TTC39A: variants seen among roughly 807,000 people sequenced by gnomAD.
The protein encoded by TTC39A is tetratricopeptide repeat protein 39A.
A neutral mutation model predicts 82.3 loss-of-function variants in TTC39A; 46 were observed. The observed-to-expected ratio is 0.56, with a 90% CI of 0.44 to 0.71. TTC39A has a LOEUF of 0.71. TTC39A is among the 30% of genes least tolerant of loss of function. The pLI is 0.00. For synonymous variants in TTC39A, 254 were observed against 275.2 expected, an observed-to-expected ratio of 0.92 and a Z score of 0.76; for missense variants, 543 against 712.9, an observed-to-expected ratio of 0.76 and a Z score of 2.71.
rs1644347315 is a variant in TTC39A, at chr1:51,294,642, G to A, written c.1146-131C>T. The A allele has an allele frequency of 2.2e-6, 3 of 1,367,170 alleles. No individual in the cohort carries two copies. The highest frequency in any genetic ancestry group is 2.7e-5 in the South Asian group (2 of 72,992). The allele number at this position is 1,367,170 out of a possible 1,614,324, so 84.7% of individuals were successfully genotyped here. On this transcript the variant is annotated intron_variant, in intron 13 of 17. Coordinates refer to ENST00000680483, the MANE Select transcript of TTC39A (RefSeq NM_001297663.2). The surrounding 1 kb of genome is among the most constrained non-coding windows in gnomAD (Gnocchi z 4.3). The stretch of plus-strand genomic sequence containing the variant: ...CCCCATCTGCACAATGACAGTGTTA[G>A]ACTCTAAAGAGCCTTCTAGGTCTGA...
chr1:51,289,274 A>G (rs1644110870), intron 16 of TTC39A, among the ~76,000 whole-genome samples: 1 of 152,156 alleles, frequency 6.6e-6, no homozygotes, highest in Non-Finnish European at 1.5e-5. Context: ...TCCTGGAGAT[A>G]TCCTTTTAAA....
chr1:51,295,987 T>G, intron 13 of TTC39A, 92 bp downstream of exon 13: 3 of 1,416,564 alleles, frequency 2.1e-6, no homozygotes, highest in Non-Finnish European at 2.9e-6. Context: ...CCCTCCCCAG[T>G]GCCCACAGCT....
intron 2 of TTC39A, among the ~76,000 whole-genome samples, chr1:51,314,022 C>A (rs547203921): frequency 5.3e-5 from 8 of 152,360 alleles, no homozygotes; most frequent in Non-Finnish European, 1.2e-4. Flanking sequence ...TCTCCCCATA[C>A]TGTGGGCACC....
In TTC39A at chr1:51,306,129, G is replaced by A. The variant is rs115796983; in HGVS notation, c.489-53C>T. On this transcript the variant is annotated intron_variant, in intron 6 of 17. Transcript: ENST00000680483. ...AGCCACTGCTGGGGGTGGGGGGTAG[G>A]GGCTGGGACCCCTTCCAGCTGGGCC... is the stretch of plus-strand genomic sequence containing the variant. 2,588 of 1,492,626 alleles carry A rather than the reference G, an allele frequency of 1.7e-3. 40 individuals carry two copies. In the African/African-American group the frequency reaches 0.03, roughly 17 times the overall value. 92.5% of individuals were successfully genotyped at this position (1,492,626 alleles called of 1,614,324 possible).
intron 1 of TTC39A, chr1:51,344,946 G>A (rs1045120163): frequency 5.5e-5 from 84 of 1,525,046 alleles, no homozygotes; most frequent in Non-Finnish European, 7.1e-5. Flanking sequence ...GCGGCCCCTT[G>A]GTCCCGTCCG....
intron 1 of TTC39A, chr1:51,344,977 C>A: frequency 1.3e-6 from 2 of 1,525,954 alleles, no homozygotes; most frequent in Non-Finnish European, 8.8e-7. Context: ...CGAGTCCCCA[C>A]CCCTGCCCGG....
At chr1:51,298,098 C>CT (rs1644511359) in intron 12 of TTC39A, 2 of 152,578 alleles carry the variant, frequency 1.3e-5, no homozygotes, top group African/African-American at 4.8e-5. Context: ...TCCAGCCTCG[C>CT]TTGTTCTTCA....
chr1:51,296,575 CAGG>C (rs1644436111), intron 12 of TTC39A, among the ~76,000 whole-genome samples: 2 of 152,216 alleles, frequency 1.3e-5, no homozygotes, highest in African/African-American at 2.4e-5. Context: ...TGAGCAAAGC[CAGG>C]AGGTGGCAGG....
At chr1:51,344,259 C>T (rs999619523) in intron 1 of TTC39A, among the ~76,000 whole-genome samples, 1 of 152,162 alleles carries the variant, frequency 6.6e-6, no homozygotes, top group South Asian at 2.1e-4. Context: ...TGCCCTTTCC[C>T]TGGCACAGCA....
intron 12 of TTC39A, 90 bp downstream of exon 12, chr1:51,301,482 T>A: frequency 6.9e-7 from 1 of 1,449,968 alleles, no homozygotes; most frequent in South Asian, 1.4e-5. Flanking sequence ...AGCTGAGACA[T>A]CTGTGTTCAG....
chr1:51,331,154 C>T (rs1215111766), upstream of TTC39A: 1 of 1,522,386 alleles, frequency 6.6e-7, no homozygotes, highest in Non-Finnish European at 8.9e-7. Flanking sequence ...GGTCACTCAC[C>T]TAATAAGTGG....
At chr1:51,331,144 G>T, upstream of TTC39A, 1 of 1,468,072 alleles carries the variant, frequency 6.8e-7, no homozygotes, top group South Asian at 1.2e-5. Context: ...ATTCACGCAT[G>T]GTCACTCACC....
chr1:51,338,459 C>T (rs34777786), intron 1 of TTC39A, among the ~76,000 whole-genome samples: 138 of 151,978 alleles, frequency 9.1e-4, no homozygotes, highest in Admixed American at 2.4e-3. Flanking sequence ...GGAAAGAGAA[C>T]ATTCTAGAGG....
intron 1 of TTC39A, chr1:51,343,160 ACT>A: frequency 2.3e-6 from 1 of 434,784 alleles, no homozygotes. Context: ...ACTGAAATGC[ACT>A]CTGAGCCCCA....
intron 1 of TTC39A, chr1:51,344,853 G>A (rs114480846): frequency 0.032 from 36,425 of 1,127,058 alleles, 805 homozygotes; most frequent in Middle Eastern, 0.076. Context: ...CGGGCCTCCG[G>A]CCGACCCCCA....
At chr1:51,337,386 C>T (rs1003776148) in intron 1 of TTC39A, among the ~76,000 whole-genome samples, 1 of 151,754 alleles carries the variant, frequency 6.6e-6, no homozygotes, top group African/African-American at 2.4e-5. Flanking sequence ...GCTCAAATAT[C>T]ACCTTCTCCG....
intron 14 of TTC39A, among the ~76,000 whole-genome samples, chr1:51,291,311 T>C (rs1041349004): frequency 1.3e-5 from 2 of 150,642 alleles, no homozygotes; most frequent in Non-Finnish European, 3.0e-5. Flanking sequence ...GCCAACATGG[T>C]GAAACCCCAT....
intron 16 of TTC39A, among the ~76,000 whole-genome samples, chr1:51,289,206 A>T (rs1644107885): frequency 6.6e-6 from 1 of 152,048 alleles, no homozygotes; most frequent in Admixed American, 6.6e-5. Context: ...TGAATGGTTT[A>T]TTAAACTGTA....
chr1:51,289,007 C>A, intron 16 of TTC39A, 52 bp from the exon 17 acceptor site: 1 of 1,505,138 alleles, frequency 6.6e-7, no homozygotes. Flanking sequence ...CTCTCCCAAA[C>A]TGCATGTGAG....
Sources: gnomAD v4.1 joint callset for allele counts (sites outside exome capture counted in the v4.1 genomes callset) on GRCh38, gnomAD v4.1.1 for gene constraint, Gnocchi (gnomAD v3.1) non-coding constraint, MANE v1.5 for transcripts, NCBI Gene and HGNC (gene_info 2026-07-23, HGNC 2026-07-21) for gene names.